Variants in ZNF469 observed in about 807,000 individuals in gnomAD.
ZNF469 encodes zinc finger protein 469.
In ZNF469, 1 loss-of-function variant was observed where a neutral mutation model predicts 1.0. That is an observed-to-expected ratio of 1.00 (90% CI 0.35 to 4.73). The LOEUF (loss-of-function observed/expected upper bound fraction) is 4.73. Among genes scored for constraint, ZNF469 ranks in the 30% most tolerant of loss-of-function variants. The probability of loss-of-function intolerance (pLI) is 0.16; values close to 1 mark genes in which losing one functional copy is unlikely to be tolerated. For missense variants in ZNF469, 6,100 were observed against 5,356.3 expected (o/e 1.14, Z -4.33); for synonymous variants, 2,703 against 2,363.4 (o/e 1.14, Z -4.17).
the ZNF469 span, among the ~76,000 whole-genome samples, chr16:88,227,331 A>C: frequency 2.0e-5 from 3 of 152,140 alleles, no homozygotes; most frequent in African/African-American, 7.2e-5. Flanking sequence ...GGAGGATGGA[A>C]GGAGGCCGGG....
At chr16:88,121,395 C>T in the ZNF469 span, among the ~76,000 whole-genome samples, 3 of 152,192 alleles carry the variant, frequency 2.0e-5, no homozygotes, top group Non-Finnish European at 4.4e-5. Flanking sequence ...CTGTCGCCAG[C>T]GCTGTGTCAT....
chr16:88,198,894 AG>A, the ZNF469 span, among the ~76,000 whole-genome samples: 1 of 152,216 alleles, frequency 6.6e-6, no homozygotes, highest in African/African-American at 2.4e-5. Flanking sequence ...GGTCAGCGTT[AG>A]CCCCGCAAGC....
the ZNF469 span, among the ~76,000 whole-genome samples, chr16:88,101,493 G>T: frequency 6.6e-6 from 1 of 151,436 alleles, no homozygotes; most frequent in Non-Finnish European, 1.5e-5. Context: ...GGGATATGCT[G>T]TGGACAGACT....
At chr16:88,144,007 C>T in the ZNF469 span, among the ~76,000 whole-genome samples, 2 of 151,322 alleles carry the variant, frequency 1.3e-5, no homozygotes, top group South Asian at 2.1e-4. Context: ...GGGTCTGCCA[C>T]GTGCCAGGCG....
At chr16:88,178,316 G>T in the ZNF469 span, 1 of 152,256 alleles carries the variant, frequency 6.6e-6, no homozygotes, top group African/African-American at 2.4e-5. Context: ...GCTCCCTGAC[G>T]ACCGGGAGGA....
the ZNF469 span, among the ~76,000 whole-genome samples, chr16:88,202,081 C>A: frequency 1.3e-5 from 2 of 152,186 alleles, no homozygotes; most frequent in Non-Finnish European, 2.9e-5. Flanking sequence ...TCCACAGCCA[C>A]CCCACGGGCA....
At chr16:88,150,513 G>A in the ZNF469 span, among the ~76,000 whole-genome samples, 4 of 152,160 alleles carry the variant, frequency 2.6e-5, no homozygotes, top group African/African-American at 7.2e-5. Context: ...AGGGTCATCC[G>A]GAGGGGTTGC....
At chr16:88,334,940 C>A in the ZNF469 span, among the ~76,000 whole-genome samples, 1 of 151,780 alleles carries the variant, frequency 6.6e-6, no homozygotes, top group Non-Finnish European at 1.5e-5. Context: ...AAGGAAGATG[C>A]CAACGGAAGG....
chr16:88,236,682 C>T, the ZNF469 span, among the ~76,000 whole-genome samples: 2 of 152,156 alleles, frequency 1.3e-5, no homozygotes, highest in Admixed American at 1.3e-4. Flanking sequence ...GCCTGGCCAA[C>T]ATGGCAAAAC....
the ZNF469 span, among the ~76,000 whole-genome samples, chr16:88,375,145 T>C: frequency 6.6e-6 from 1 of 152,208 alleles, no homozygotes; most frequent in African/African-American, 2.4e-5. Flanking sequence ...ATAGAATTCA[T>C]GACCAGCGTG....
chr16:88,215,803 C>T, the ZNF469 span, among the ~76,000 whole-genome samples: 1 of 152,042 alleles, frequency 6.6e-6, no homozygotes, highest in African/African-American at 2.4e-5. Context: ...GAAATGTTGC[C>T]TCTGCTACTC....
At chr16:88,111,712 C>G in the ZNF469 span, among the ~76,000 whole-genome samples, 71 of 152,340 alleles carry the variant, frequency 4.7e-4, no homozygotes, top group African/African-American at 1.7e-3. Context: ...TCTCAGCTCA[C>G]TGCAACCTCC....
the ZNF469 span, among the ~76,000 whole-genome samples, chr16:88,362,324 T>C: frequency 3.3e-5 from 5 of 152,234 alleles, no homozygotes; most frequent in Admixed American, 6.5e-5. Flanking sequence ...TGTTCACCCA[T>C]GTAGTTACCA....
intron 1 of ZNF469, among the ~76,000 whole-genome samples, chr16:88,410,984 G>A (rs374963863): frequency 4.6e-5 from 7 of 152,216 alleles, no homozygotes; most frequent in African/African-American, 1.7e-4. Flanking sequence ...CCATCTTCAC[G>A]TGGCCTCCTC....
the ZNF469 span, among the ~76,000 whole-genome samples, chr16:88,347,705 C>T: frequency 3.9e-5 from 6 of 152,240 alleles, no homozygotes; most frequent in Admixed American, 3.9e-4. Context: ...GAAGAACCTG[C>T]ACCTCACCCC....
At chr16:88,308,211 T>C in the ZNF469 span, among the ~76,000 whole-genome samples, 1 of 152,146 alleles carries the variant, frequency 6.6e-6, no homozygotes, top group East Asian at 1.9e-4. Flanking sequence ...TCTGTGTTTA[T>C]GCCAGCTCTT....
At chr16:88,371,181 G>A in the ZNF469 span, among the ~76,000 whole-genome samples, 1 of 152,244 alleles carries the variant, frequency 6.6e-6, no homozygotes, top group Non-Finnish European at 1.5e-5. Context: ...CACTGATAGA[G>A]CATCCCACAG....
the ZNF469 span, among the ~76,000 whole-genome samples, chr16:88,186,649 C>T: frequency 6.6e-6 from 1 of 152,182 alleles, no homozygotes; most frequent in Non-Finnish European, 1.5e-5. Context: ...GCCCACCTCC[C>T]CCGGCAGAGG....
At chr16:88,351,554 C>T in the ZNF469 span, among the ~76,000 whole-genome samples, 21,073 of 152,146 alleles carry the variant, frequency 0.14, 2,034 homozygotes, top group African/African-American at 0.27. Context: ...GCTCCCCAGG[C>T]GGCCTGTGAT....
Sources: gnomAD v4.1 joint callset for allele counts (sites outside exome capture counted in the v4.1 genomes callset) on GRCh38, gnomAD v4.1.1 for gene constraint, MANE v1.5 for transcripts, NCBI Gene and HGNC (gene_info 2026-07-23, HGNC 2026-07-21) for gene names.